PPFIA2: variants seen among roughly 807,000 people sequenced by gnomAD.
PPFIA2 encodes liprin-alpha-2.
In PPFIA2, 46 loss-of-function variants were observed where a neutral mutation model predicts 175.5. The observed-to-expected ratio is 0.26, with a 90% CI of 0.21 to 0.34. The LOEUF is 0.34. Among genes scored for constraint, PPFIA2 ranks in the 10% least tolerant of loss-of-function variants. PPFIA2 has a pLI of 1.00. For missense variants in PPFIA2, 1,179 were observed against 1,506.1 expected, an observed-to-expected ratio of 0.78 and a Z score of 3.60; for synonymous variants, 568 against 511.4, an observed-to-expected ratio of 1.11 and a Z score of -1.49.
chr12:81,486,758 G>A (rs1391630968), intron 4 of PPFIA2, among the ~76,000 whole-genome samples: 4 of 151,802 alleles, frequency 2.6e-5, no homozygotes, highest in Non-Finnish European at 4.4e-5. Context: ...ACTCTTGGCT[G>A]ACAGTAATCA....
intron 4 of PPFIA2, among the ~76,000 whole-genome samples, chr12:81,522,380 GA>G: frequency 6.6e-6 from 1 of 151,974 alleles, no homozygotes; most frequent in East Asian, 1.9e-4. Context: ...TGCATGATCA[GA>G]AAAATATGAT....
At chr12:81,732,552 C>T (rs2081056854) in intron 3 of PPFIA2, among the ~76,000 whole-genome samples, 1 of 148,154 alleles carries the variant, frequency 6.7e-6, no homozygotes, top group Non-Finnish European at 1.5e-5. Flanking sequence ...CAACAGGTTC[C>T]ACTAGTTTAG....
chr12:81,399,290 C>CA (rs543794696), intron 8 of PPFIA2, among the ~76,000 whole-genome samples: 9,143 of 41,906 alleles, frequency 0.22, 1,557 homozygotes, highest in African/African-American at 0.33. Context: ...TCCTTCTTCA[C>CA]AAAAAAAAAA....
intron 4 of PPFIA2, among the ~76,000 whole-genome samples, chr12:81,574,302 A>C (rs539071017): frequency 6.6e-6 from 1 of 151,990 alleles, no homozygotes; most frequent in South Asian, 2.1e-4. Flanking sequence ...ATTTAATAGC[A>C]AAAGATGATC....
At chr12:81,275,055 G>C (rs2040171690) in intron 28 of PPFIA2, among the ~76,000 whole-genome samples, 1 of 152,192 alleles carries the variant, frequency 6.6e-6, no homozygotes, top group African/African-American at 2.4e-5. Context: ...AAATACTTCA[G>C]AAAGGAAACT....
rs71669706 is a variant in PPFIA2, at chr12:81,618,253, C to CTGTGTG, written c.303+58532_303+58537dup. On this transcript the variant is annotated intron_variant, in intron 4 of 32. Transcript: ENST00000549396. ...CATTGCATTTTTACTATGTGTAAAT[C>CTGTGTG]TGTGTGTGTGTGTGTGTGTGTGTGT... is the stretch of plus-strand genomic sequence containing the variant. 1.4e-3 allele frequency among the ~76,000 whole-genome samples: 210 copies of CTGTGTG among 148,700 alleles called. 1 individual carries two copies. Among genetic ancestry groups the CTGTGTG allele is most frequent in the South Asian group, 5.1e-3 (24 of 4,674 alleles).
intron 4 of PPFIA2, among the ~76,000 whole-genome samples, chr12:81,622,273 G>T (rs1337682487): frequency 6.6e-6 from 1 of 152,130 alleles, no homozygotes; most frequent in African/African-American, 2.4e-5. Flanking sequence ...CTGACTTTAA[G>T]CATAATAATA....
intron 8 of PPFIA2, among the ~76,000 whole-genome samples, chr12:81,395,866 C>T (rs1274379461): frequency 6.6e-6 from 1 of 152,104 alleles, no homozygotes; most frequent in African/African-American, 2.4e-5. Context: ...TGTCTGCCTC[C>T]TGAATCCATA....
At chr12:81,680,803 G>A (rs1162804167) in intron 3 of PPFIA2, among the ~76,000 whole-genome samples, 1 of 151,950 alleles carries the variant, frequency 6.6e-6, no homozygotes, top group East Asian at 1.9e-4. Context: ...CCAGTTCAGT[G>A]TTGTCCAGTG....
chr12:81,494,119 T>C (rs2059749963), intron 4 of PPFIA2, among the ~76,000 whole-genome samples: 1 of 151,974 alleles, frequency 6.6e-6, no homozygotes, highest in South Asian at 2.1e-4. Context: ...AAAGAGTTTC[T>C]GCACAGCAAA....
Position 81,716,091 on chromosome 12 carries a change from C to G in PPFIA2, c.249+37882G>C, listed in dbSNP as rs557219474. 2.4e-3 allele frequency among the ~76,000 whole-genome samples: 357 copies of G among 151,398 alleles called. 2 individuals carry two copies. The highest frequency in any genetic ancestry group is 8.4e-3 in the African/African-American group (347 of 41,398). Reference sequence around the variant, plus strand: ...TTAATATTAATAGGTAAGATCATAACTAGTAATAATGGCTAATTGTTCATT... The same window carrying G: ...TTAATATTAATAGGTAAGATCATAAGTAGTAATAATGGCTAATTGTTCATT... On this transcript the variant is annotated intron_variant, in intron 3 of 32. Transcript: ENST00000549396.
intron 7 of PPFIA2, among the ~76,000 whole-genome samples, chr12:81,435,773 C>T (rs889096297): frequency 4.6e-5 from 7 of 151,744 alleles, no homozygotes; most frequent in African/African-American, 1.2e-4. Flanking sequence ...CTTAATTATC[C>T]GTTCTGAATT....
At chr12:81,676,897 T>C in intron 3 of PPFIA2, 53 bp from the exon 4 acceptor site, 1 of 1,248,712 alleles carries the variant, frequency 8.0e-7, no homozygotes. Context: ...GCATGAAGAA[T>C]CCCCCAGTCC....
rs774328394 is a variant in PPFIA2, at chr12:81,405,923, T to G, written c.646-20A>C. The G allele has an allele frequency of 2.0e-5, 28 of 1,425,932 alleles. No individual in the cohort carries two copies. The highest frequency in any genetic ancestry group is 2.6e-5 in the Non-Finnish European group (27 of 1,035,518). 88.3% of individuals were successfully genotyped at this position (1,425,932 alleles called of 1,614,324 possible). A position where few individuals can be genotyped will look rare whatever the true frequency, so the allele number is the denominator to read the frequency against. On this transcript the variant is annotated intron_variant, in intron 7 of 32. Coordinates refer to ENST00000549396, the MANE Select transcript of PPFIA2 (RefSeq NM_003625.5). ...AACAATCTGCAAAATAAAAGCACTA[T>G]GCCTTTAAAGTCTAAATAGGGAATA...
Position 81,262,025 on chromosome 12 carries a change from A to G in PPFIA2, c.3731T>C (p.Leu1244Pro). Reference protein sequence around the residue: ...KMTTDVASSRLQRLDNSTVRT... With the variant: ...KMTTDVASSRPQRLDNSTVRT... The stretch of plus-strand genomic sequence containing the variant: ...AACAGTGGAGTTGTCTAACCTCTGC[A>G]GTCTTGATGAAGCAACTGCAAATGG... The change falls in exon 32 of 33, where the codon CTG becomes CCG. Residue 1244 changes from leucine to proline, a missense_variant. Transcript: ENST00000549396. 2 of 1,604,000 alleles carry G rather than the reference A, an allele frequency of 1.2e-6. No individual in the cohort carries two copies. The highest frequency in any genetic ancestry group is 1.7e-6 in the Non-Finnish European group (2 of 1,174,398).
chr12:81,618,590 G>T (rs537757973), intron 4 of PPFIA2, among the ~76,000 whole-genome samples: 1 of 139,418 alleles, frequency 7.2e-6, no homozygotes, highest in Admixed American at 7.6e-5. Flanking sequence ...GTGCAGTGGC[G>T]CGACCTCGGC....
In PPFIA2 at chr12:81,507,804, A is replaced by G. The variant is rs184124667; in HGVS notation, c.304-49938T>C. On this transcript the variant is annotated intron_variant, in intron 4 of 32. Transcript: ENST00000549396. ...CTCCTTTGTTCAAAACCCAAAGAGT[A>G]ATCAGTTTTAGATGGAGAAAAATTT... Among the ~76,000 whole-genome samples, 262 of 152,328 alleles carry G rather than the reference A, an allele frequency of 1.7e-3. 1 individual carries two copies. The highest frequency in any genetic ancestry group is 9.7e-3 in the South Asian group (47 of 4,826).
At chr12:81,422,966 A>G (rs2046548705) in intron 7 of PPFIA2, among the ~76,000 whole-genome samples, 1 of 152,170 alleles carries the variant, frequency 6.6e-6, no homozygotes, top group Non-Finnish European at 1.5e-5. Context: ...CCTAAAAAAT[A>G]TAAAGGATCA....
intron 22 of PPFIA2, among the ~76,000 whole-genome samples, chr12:81,310,167 T>C (rs189061987): frequency 6.6e-5 from 10 of 152,220 alleles, no homozygotes; most frequent in Admixed American, 5.9e-4. Flanking sequence ...GACAAGTAGA[T>C]AATAATATTA....
Sources: gnomAD v4.1 joint callset for allele counts (sites outside exome capture counted in the v4.1 genomes callset) on GRCh38, gnomAD v4.1.1 for gene constraint, MANE v1.5 for transcripts, NCBI Gene and HGNC (gene_info 2026-07-23, HGNC 2026-07-21) for gene names.